ZBTB7C: variants seen among roughly 807,000 people sequenced by gnomAD.
The protein encoded by ZBTB7C is zinc finger and BTB domain containing 7C.
Under a neutral mutation model 25.7 loss-of-function variants are expected in ZBTB7C, and 8 were observed. The ratio of observed to expected loss-of-function variants is 0.31; its 90% CI spans 0.18 to 0.56. The LOEUF (loss-of-function observed/expected upper bound fraction) is 0.56. Among genes scored for constraint, ZBTB7C ranks in the 20% least tolerant of loss-of-function variants. The pLI is 0.91. For synonymous variants in ZBTB7C, 394 were observed against 369.0 expected, an observed-to-expected ratio of 1.07 and a Z score of -0.78; for missense variants, 824 against 855.2, an observed-to-expected ratio of 0.96 and a Z score of 0.46.
chr18:48,059,377 C>T (rs776875192), intron 3 of ZBTB7C, among the ~76,000 whole-genome samples: 37 of 152,100 alleles, frequency 2.4e-4, no homozygotes, highest in African/African-American at 7.7e-4. Context: ...TAAAAGGCTC[C>T]AGCACACACA....
intron 1 of ZBTB7C, among the ~76,000 whole-genome samples, chr18:48,398,498 C>T (rs945257133): frequency 1.3e-5 from 2 of 152,080 alleles, no homozygotes; most frequent in Non-Finnish European, 2.9e-5. Context: ...AGCCCAGAGC[C>T]CCCTCCCTGA....
intron 3 of ZBTB7C, among the ~76,000 whole-genome samples, chr18:48,046,685 C>T (rs2036481300): frequency 1.3e-5 from 2 of 152,224 alleles, no homozygotes; most frequent in South Asian, 4.1e-4. Context: ...ACCATCCGAG[C>T]ACTCTGAGAA....
intron 3 of ZBTB7C, among the ~76,000 whole-genome samples, chr18:48,156,421 C>A (rs1382530459): frequency 6.6e-6 from 1 of 152,196 alleles, no homozygotes; most frequent in East Asian, 1.9e-4. Flanking sequence ...GTCTAATGGG[C>A]AAATCCTGCC....
chr18:48,266,068 TGGTTCAGG>T (rs1364719164), intron 2 of ZBTB7C, among the ~76,000 whole-genome samples: 9 of 152,322 alleles, frequency 5.9e-5, no homozygotes, highest in Middle Eastern at 3.4e-3. Context: ...TACTCGCAAA[TGGTTCAGG>T]GGTGAGGGAA....
intron 3 of ZBTB7C, among the ~76,000 whole-genome samples, chr18:48,051,188 G>A (rs963381729): frequency 6.6e-6 from 1 of 152,224 alleles, no homozygotes; most frequent in African/African-American, 2.4e-5. Context: ...TCCCCATAGA[G>A]GTTTAGAGTA....
intron 2 of ZBTB7C, among the ~76,000 whole-genome samples, chr18:48,289,198 A>T (rs1316809028): frequency 6.6e-6 from 1 of 152,178 alleles, no homozygotes; most frequent in Admixed American, 6.5e-5. Flanking sequence ...GACAATATCA[A>T]ACTAAATAAT....
intron 3 of ZBTB7C, among the ~76,000 whole-genome samples, chr18:48,080,587 G>A (rs1247581417): frequency 6.6e-6 from 1 of 152,198 alleles, no homozygotes; most frequent in African/African-American, 2.4e-5. Flanking sequence ...TGTAAAGGAA[G>A]GAATGGTCTC....
chr18:48,261,321 A>G (rs1049515358), intron 2 of ZBTB7C, among the ~76,000 whole-genome samples: 1 of 152,202 alleles, frequency 6.6e-6, no homozygotes, highest in African/African-American at 2.4e-5. Context: ...CAGGGGCTCC[A>G]TGATCGTTAT....
intron 2 of ZBTB7C, among the ~76,000 whole-genome samples, chr18:48,324,327 C>G (rs1352251919): frequency 6.6e-6 from 1 of 152,100 alleles, no homozygotes; most frequent in Non-Finnish European, 1.5e-5. Context: ...GAGCAGTGTG[C>G]ACACCACCCT....
At chr18:48,352,878 G>A (rs2046896368) in intron 1 of ZBTB7C, among the ~76,000 whole-genome samples, 1 of 152,112 alleles carries the variant, frequency 6.6e-6, no homozygotes, top group Admixed American at 6.5e-5. Context: ...TGGGACCCAA[G>A]TTACTCCACC....
rs117297638 is a variant in ZBTB7C at position 48,178,411 on chromosome 18, T to C, written c.-17+7523A>G. On this transcript the variant is annotated intron_variant, in intron 3 of 4. Coordinates refer to ENST00000590800, the MANE Select transcript of ZBTB7C (RefSeq NM_001318841.2). ...CGGGCCTCTTCTGCCTGCTGCTTCT[T>C]GTTCCAACTTCATTTCATCTTTTCA... Among the ~76,000 whole-genome samples the C allele has an allele frequency of 1.8e-3, 268 of 152,380 alleles. 3 individuals carry two copies. The highest frequency in any genetic ancestry group is 0.015 in the East Asian group (78 of 5,180).
intron 2 of ZBTB7C, among the ~76,000 whole-genome samples, chr18:48,246,079 G>C (rs1339903332): frequency 6.6e-6 from 1 of 152,140 alleles, no homozygotes; most frequent in East Asian, 1.9e-4. Flanking sequence ...TATAAAGAGG[G>C]AATATGGGAG....
At chr18:48,065,416 A>C (rs571596223) in intron 3 of ZBTB7C, among the ~76,000 whole-genome samples, 16 of 152,278 alleles carry the variant, frequency 1.1e-4, no homozygotes, top group Non-Finnish European at 2.4e-4. Context: ...TTAACTCTGC[A>C]TTTCCCAAAC....
rs150295037 is a variant in ZBTB7C, at chr18:48,220,324, C to T, written c.-78-34329G>A. 5.4e-3 allele frequency among the ~76,000 whole-genome samples: 815 copies of T among 152,284 alleles called. 3 individuals are homozygous for T. The highest frequency in any genetic ancestry group is 8.6e-3 in the Non-Finnish European group (583 of 68,016). ...GCACCACTTTATTGGGGCTGCAGTG[C>T]CAGCGCTGGCACCTTGGATGGGAGC... On this transcript the variant is annotated intron_variant, in intron 2 of 4. Coordinates refer to ENST00000590800, the MANE Select transcript of ZBTB7C (RefSeq NM_001318841.2).
At chr18:48,029,983 T>C (rs2035676010) in intron 4 of ZBTB7C, 72 bp from the exon 5 acceptor site, 1 of 1,593,272 alleles carries the variant, frequency 6.3e-7, no homozygotes, top group East Asian at 2.2e-5. Flanking sequence ...TGCTCCCCCT[T>C]TCTCCAGAAC....
At chr18:48,144,703 C>T (rs1410565585) in intron 3 of ZBTB7C, among the ~76,000 whole-genome samples, 1 of 152,092 alleles carries the variant, frequency 6.6e-6, no homozygotes, top group East Asian at 1.9e-4. Context: ...TATCACTGCA[C>T]CCCTGACCTC....
chr18:48,318,545 G>A (rs12962769), intron 2 of ZBTB7C, among the ~76,000 whole-genome samples: 4,793 of 152,280 alleles, frequency 0.031, 95 homozygotes, highest in Non-Finnish European at 0.047. Context: ...TCGCATCTGC[G>A]GCCCACGTCC....
chr18:48,231,642 A>C (rs772289496), intron 2 of ZBTB7C, among the ~76,000 whole-genome samples: 1 of 152,196 alleles, frequency 6.6e-6, no homozygotes, highest in Non-Finnish European at 1.5e-5. Flanking sequence ...CAGGACAAGA[A>C]CTCAGGACCC....
At chr18:48,262,267 A>G (rs1346725886) in intron 2 of ZBTB7C, among the ~76,000 whole-genome samples, 103 of 152,184 alleles carry the variant, frequency 6.8e-4, no homozygotes, top group Non-Finnish European at 1.2e-4. Flanking sequence ...CTACCCTAGC[A>G]CTTCATGCTT....
Sources: allele counts gnomAD v4.1 joint callset (sites outside exome capture counted in the v4.1 genomes callset), GRCh38; gene constraint gnomAD v4.1.1; transcripts MANE v1.5; gene names NCBI Gene and HGNC (gene_info 2026-07-23, HGNC 2026-07-21).